The following ASIC2 variants were observed in gnomAD, a reference collection of about 807,000 sequenced individuals.
The protein encoded by ASIC2 is acid-sensing ion channel 2.
In ASIC2, 25 loss-of-function variants were observed where a neutral mutation model predicts 57.3. That is an observed-to-expected ratio of 0.44 (90% CI 0.32 to 0.61). The LOEUF (loss-of-function observed/expected upper bound fraction) is 0.61, where lower values mean the gene tolerates loss of function less well. Among genes scored for constraint, ASIC2 ranks in the 20% least tolerant of loss-of-function variants. The pLI, the probability that ASIC2 is intolerant of heterozygous loss-of-function variation, is 0.06. For synonymous variants in ASIC2, 319 were observed against 307.5 expected (o/e 1.04, Z -0.39); for missense variants, 641 against 738.1 (o/e 0.87, Z 1.52).
intron 1 of ASIC2, among the ~76,000 whole-genome samples, chr17:33,183,756 A>G (rs1400110801): frequency 6.6e-6 from 1 of 152,100 alleles, no homozygotes; most frequent in Non-Finnish European, 1.5e-5. Flanking sequence ...CTCTTGGTCT[A>G]TTTTCCTGTG....
At chr17:34,139,472 T>C (rs1344309308) in intron 1 of ASIC2, among the ~76,000 whole-genome samples, 2 of 152,166 alleles carry the variant, frequency 1.3e-5, no homozygotes, top group Non-Finnish European at 2.9e-5. Context: ...AAAATGGAAA[T>C]GACTCAAATG....
At chr17:33,851,313 G>T (rs959477980) in intron 1 of ASIC2, among the ~76,000 whole-genome samples, 5 of 152,078 alleles carry the variant, frequency 3.3e-5, no homozygotes, top group African/African-American at 1.2e-4. Flanking sequence ...GACCACCCAA[G>T]AGGACAGGGT....
At chr17:33,852,703 C>T (rs1913805419) in intron 1 of ASIC2, among the ~76,000 whole-genome samples, 1 of 152,168 alleles carries the variant, frequency 6.6e-6, no homozygotes, top group Non-Finnish European at 1.5e-5. Context: ...GATAAGGACA[C>T]TGTTTCTCCA....
intron 1 of ASIC2, among the ~76,000 whole-genome samples, chr17:33,556,030 A>G (rs561433426): frequency 1.9e-4 from 29 of 152,344 alleles, no homozygotes; most frequent in African/African-American, 7.0e-4. Context: ...TTATTTGAAT[A>G]TCTTAAAGAT....
intron 1 of ASIC2, among the ~76,000 whole-genome samples, chr17:33,820,292 CAT>C (rs1912706402): frequency 6.6e-6 from 1 of 152,126 alleles, no homozygotes; most frequent in African/African-American, 2.4e-5. Context: ...CAGTTATTTT[CAT>C]TGAAAACTGA....
At chr17:33,882,292 G>T (rs990829052) in intron 1 of ASIC2, among the ~76,000 whole-genome samples, 13 of 152,262 alleles carry the variant, frequency 8.5e-5, no homozygotes, top group Non-Finnish European at 1.5e-4. Context: ...CTTCTGCACA[G>T]CAAAAGAAAC....
At chr17:34,143,477 G>A (rs1912327412) in intron 1 of ASIC2, among the ~76,000 whole-genome samples, 1 of 152,344 alleles carries the variant, frequency 6.6e-6, no homozygotes. Context: ...GAATGAATTA[G>A]TTCCCATGAG....
At chr17:33,432,126 CG>C (rs1270418917) in intron 1 of ASIC2, among the ~76,000 whole-genome samples, 4 of 151,968 alleles carry the variant, frequency 2.6e-5, no homozygotes, top group African/African-American at 9.7e-5. Flanking sequence ...TCCAGTAATA[CG>C]TAGATTTTCT....
chr17:33,293,609 G>C (rs963722475), upstream of ASIC2, among the ~76,000 whole-genome samples: 5 of 152,234 alleles, frequency 3.3e-5, no homozygotes, highest in Admixed American at 2.6e-4. Context: ...GCTGTAGAGA[G>C]AGCGAGTTGC....
chr17:33,269,952 G>T (rs567195093), intron 1 of ASIC2, among the ~76,000 whole-genome samples: 1 of 152,310 alleles, frequency 6.6e-6, no homozygotes, highest in South Asian at 2.1e-4. Context: ...GTCCCAGCAG[G>T]CTCTGTGGGC....
intron 1 of ASIC2, among the ~76,000 whole-genome samples, chr17:33,759,639 G>T (rs1287901875): frequency 6.6e-6 from 1 of 152,126 alleles, no homozygotes; most frequent in African/African-American, 2.4e-5. Flanking sequence ...ATGGTTTCAG[G>T]GGACAAGCCT....
intron 1 of ASIC2, among the ~76,000 whole-genome samples, chr17:34,079,953 A>C (rs922718179): frequency 1.7e-4 from 26 of 149,656 alleles, no homozygotes; most frequent in Admixed American, 1.5e-3. Context: ...TTTCTATGGA[A>C]ATCTCCAACT....
intron 1 of ASIC2, among the ~76,000 whole-genome samples, chr17:33,535,537 G>A (rs9898557): frequency 0.4 from 60,013 of 151,638 alleles, 14,679 homozygotes; most frequent in African/African-American, 0.68. Context: ...CGGCCTCCCA[G>A]AGTGCTGGGA....
chr17:33,131,278 C>T (rs2092345127), intron 1 of ASIC2, among the ~76,000 whole-genome samples: 2 of 152,076 alleles, frequency 1.3e-5, no homozygotes, highest in Non-Finnish European at 2.9e-5. Flanking sequence ...TCTACATAGA[C>T]CCTTCTATTG....
Position 33,803,817 on chromosome 17 carries a change from C to A in ASIC2, c.555+352161G>T, listed in dbSNP as rs539626210. 4.0e-5 allele frequency among the ~76,000 whole-genome samples: 6 copies of A among 151,754 alleles called. No individual in the cohort carries two copies. In the East Asian group the frequency reaches 1.2e-3, roughly 29 times the overall value. The stretch of plus-strand genomic sequence containing the variant: ...AAGTACATTCTCCTAATTATTGTAA[C>A]TGGCATTTTTTTTTATGTGGCAAAC... On this transcript the variant is annotated intron_variant, in intron 1 of 9. Coordinates refer to the ASIC2 transcript ENST00000359872.
intron 1 of ASIC2, among the ~76,000 whole-genome samples, chr17:33,378,400 C>T (rs1262576067): frequency 1.3e-5 from 2 of 152,156 alleles, no homozygotes; most frequent in African/African-American, 4.8e-5. Flanking sequence ...TCAGCTGGTT[C>T]AGAGGGCTAG....
intron 1 of ASIC2, among the ~76,000 whole-genome samples, chr17:33,231,808 T>C (rs149532824): frequency 6.6e-6 from 1 of 152,322 alleles, no homozygotes; most frequent in African/African-American, 2.4e-5. Flanking sequence ...TGGGGTCTTA[T>C]GCTTTGCTGG....
chr17:33,315,032 A>G (rs1363348853), intron 1 of ASIC2, among the ~76,000 whole-genome samples: 1 of 152,182 alleles, frequency 6.6e-6, no homozygotes, highest in Non-Finnish European at 1.5e-5. Flanking sequence ...TTCAGTTGAA[A>G]TTTCATTTCC....
intron 1 of ASIC2, among the ~76,000 whole-genome samples, chr17:33,177,594 G>A (rs190632472): frequency 4.6e-5 from 7 of 152,094 alleles, no homozygotes; most frequent in Admixed American, 1.3e-4. Context: ...CTTCTGGCTC[G>A]CTAGGATGCA....
Sources: gnomAD v4.1 joint callset for allele counts (sites outside exome capture counted in the v4.1 genomes callset) on GRCh38, gnomAD v4.1.1 for gene constraint, MANE v1.5 for transcripts, NCBI Gene and HGNC (gene_info 2026-07-23, HGNC 2026-07-21) for gene names.